The following WWOX variants were observed in gnomAD, a reference collection of about 807,000 sequenced individuals.
WWOX encodes the protein WW domain containing oxidoreductase, also known as WW domain-containing oxidoreductase.
Under a neutral mutation model 46.2 loss-of-function variants are expected in WWOX, and 69 were observed. That is an observed-to-expected ratio of 1.49 (90% CI 1.23 to 1.82). The LOEUF (loss-of-function observed/expected upper bound fraction) is 1.82. Ranked by LOEUF, WWOX falls within the 40% of genes most tolerant of loss-of-function variation. WWOX has a pLI of 0.00. For missense variants in WWOX, 919 were observed against 542.6 expected (o/e 1.69, Z -6.89); for synonymous variants, 359 against 202.6 (o/e 1.77, Z -6.56).
At position 78,656,788 on chromosome 16, in the gene WWOX, C is replaced by T. The variant is rs1434310073; in HGVS notation, c.1056+224036C>T. 1.1e-4 allele frequency among the ~76,000 whole-genome samples: 17 copies of T among 152,274 alleles called. No homozygotes were observed. In the East Asian group the frequency reaches 3.3e-3, roughly 29 times the overall value. ...GGGTTCCTTCCAAACCCAAGCGCCACAATCCTTAGGCAGATTGCTCTGACA... is the reference window on the plus strand; with the variant it reads ...GGGTTCCTTCCAAACCCAAGCGCCATAATCCTTAGGCAGATTGCTCTGACA... On this transcript the variant is annotated intron_variant, in intron 8 of 8. Coordinates refer to ENST00000566780, the MANE Select transcript of WWOX (RefSeq NM_016373.4).
intron 8 of WWOX, among the ~76,000 whole-genome samples, chr16:79,100,035 A>T (rs551349809): frequency 1.3e-5 from 2 of 152,200 alleles, no homozygotes; most frequent in Non-Finnish European, 2.9e-5. Flanking sequence ...TTCTCTTAAA[A>T]TCTTCCAAAT....
At chr16:78,837,646 A>T (rs1364813057) in intron 8 of WWOX, among the ~76,000 whole-genome samples, 1 of 152,178 alleles carries the variant, frequency 6.6e-6, no homozygotes, top group African/African-American at 2.4e-5. Flanking sequence ...TTATTGGTGA[A>T]CCAAATATTT....
intron 8 of WWOX, among the ~76,000 whole-genome samples, chr16:78,680,050 C>T (rs1423160884): frequency 6.6e-6 from 1 of 152,194 alleles, no homozygotes. Flanking sequence ...CCTCAGTTTT[C>T]TCATCTGTAA....
chr16:78,863,204 C>G (rs1414394983), intron 8 of WWOX, among the ~76,000 whole-genome samples: 1 of 152,148 alleles, frequency 6.6e-6, no homozygotes, highest in African/African-American at 2.4e-5. Flanking sequence ...GTGATCCACC[C>G]GCCTTGGCCT....
intron 8 of WWOX, among the ~76,000 whole-genome samples, chr16:78,812,316 C>T (rs545806235): frequency 1.3e-5 from 2 of 152,222 alleles, no homozygotes; most frequent in East Asian, 3.9e-4. Flanking sequence ...TCTCTTGGTG[C>T]CATTGGGTTT....
chr16:78,891,975 C>G (rs1265261430), intron 8 of WWOX: 2 of 152,106 alleles, frequency 1.3e-5, no homozygotes, highest in Admixed American at 6.6e-5. Context: ...CTTGAGAAAT[C>G]ATAACCTAGG....
intron 8 of WWOX, among the ~76,000 whole-genome samples, chr16:78,802,943 CAACA>C (rs1232864329): frequency 2.4e-5 from 1 of 40,842 alleles, no homozygotes; most frequent in African/African-American, 9.7e-5. Context: ...AAAAAAAAAA[CAACA>C]AACAGAAAAA....
intron 8 of WWOX, chr16:79,206,195 C>T (rs896112415): frequency 6.6e-6 from 1 of 152,156 alleles, no homozygotes. Flanking sequence ...CATTTTAGGC[C>T]ATGTTAGGGC....
At chr16:78,262,770 C>T (rs1011425148) in intron 5 of WWOX, among the ~76,000 whole-genome samples, 5 of 152,118 alleles carry the variant, frequency 3.3e-5, no homozygotes, top group South Asian at 2.1e-4. Flanking sequence ...TGCTAAGACT[C>T]GGATCTTTAA....
intron 5 of WWOX, among the ~76,000 whole-genome samples, chr16:78,182,270 T>C (rs7198280): frequency 0.063 from 9,543 of 152,202 alleles, 991 homozygotes; most frequent in African/African-American, 0.22. Flanking sequence ...CTTGCGGTGG[T>C]ACCTAGCGTG....
Position 78,338,955 on chromosome 16 carries a change from G to T in WWOX, c.517-47905G>T, listed in dbSNP as rs529701010. On this transcript the variant is annotated intron_variant, in intron 5 of 8. Coordinates refer to ENST00000566780, the MANE Select transcript of WWOX (RefSeq NM_016373.4). ...ATTTCTAACTCATTTAGTGAATTCA[G>T]TTGGTCTTTATATATGTAGCTTTAA... Among the ~76,000 whole-genome samples, 403 of 120,846 alleles carry T rather than the reference G, an allele frequency of 3.3e-3. 80 individuals carry two copies. The highest frequency in any genetic ancestry group is 9.7e-3 in the African/African-American group (348 of 35,836). 79.3% of individuals were successfully genotyped at this position (120,846 alleles called of 152,430 possible).
chr16:78,523,998 C>A (rs531979937), intron 8 of WWOX, among the ~76,000 whole-genome samples: 35 of 152,318 alleles, frequency 2.3e-4, no homozygotes, highest in African/African-American at 7.5e-4. Flanking sequence ...ATACACAATT[C>A]ACTTAGGACT....
chr16:78,967,552 A>T (rs1278468706), intron 8 of WWOX, among the ~76,000 whole-genome samples: 1 of 140,884 alleles, frequency 7.1e-6, no homozygotes, highest in Non-Finnish European at 1.5e-5. Context: ...TGATCCACCC[A>T]TCTTGGCCTC....
chr16:78,354,953 G>A (rs35465376), intron 5 of WWOX, among the ~76,000 whole-genome samples: 3,803 of 152,218 alleles, frequency 0.025, 60 homozygotes, highest in African/African-American at 0.033. Flanking sequence ...GCAACATGGT[G>A]AAGCTCTGTC....
intron 8 of WWOX, among the ~76,000 whole-genome samples, chr16:79,116,019 C>T (rs895762462): frequency 3.3e-5 from 5 of 152,154 alleles, no homozygotes; most frequent in Non-Finnish European, 7.3e-5. Context: ...ACAAAAGTTG[C>T]TTACACGATA....
chr16:78,206,309 G>C (rs909558054), intron 5 of WWOX, among the ~76,000 whole-genome samples: 1 of 151,960 alleles, frequency 6.6e-6, no homozygotes, highest in African/African-American at 2.4e-5. Context: ...CTCGTTAAAT[G>C]TCCCAGCAAA....
At chr16:79,154,985 T>A (rs572377371) in intron 8 of WWOX, among the ~76,000 whole-genome samples, 95 of 152,358 alleles carry the variant, frequency 6.2e-4, no homozygotes, top group African/African-American at 2.3e-3. Context: ...AGGGTCATGA[T>A]GTCATGCTTA....
chr16:78,352,473 C>G (rs1333055387), intron 5 of WWOX, among the ~76,000 whole-genome samples: 1 of 152,202 alleles, frequency 6.6e-6, no homozygotes, highest in Non-Finnish European at 1.5e-5. Context: ...TCCTTTGGCT[C>G]ATGGCCCCTT....
chr16:78,534,871 G>A (rs1031331322), intron 8 of WWOX, among the ~76,000 whole-genome samples: 1 of 151,920 alleles, frequency 6.6e-6, no homozygotes, highest in Non-Finnish European at 1.5e-5. Flanking sequence ...GCGCTATCAT[G>A]CCTGGCTAAT....
Sources: gnomAD v4.1 joint callset for allele counts (sites outside exome capture counted in the v4.1 genomes callset) on GRCh38, gnomAD v4.1.1 for gene constraint, MANE v1.5 for transcripts, NCBI Gene and HGNC (gene_info 2026-07-23, HGNC 2026-07-21) for gene names.